The following DGKK variants were observed in gnomAD, a reference collection of about 807,000 sequenced individuals.
DGKK encodes the protein diacylglycerol kinase kappa.
DGKK carries 35 observed loss-of-function variants against 92.2 expected under a neutral mutation model. The ratio of observed to expected loss-of-function variants is 0.38; its 90% CI spans 0.29 to 0.50. DGKK has a LOEUF of 0.50. Ranked by LOEUF, DGKK falls within the 20% of genes least tolerant of loss-of-function variation. DGKK has a pLI of 0.92. For missense variants in DGKK, 910 were observed against 992.2 expected, an observed-to-expected ratio of 0.92 and a Z score of 1.11; for synonymous variants, 368 against 360.6, an observed-to-expected ratio of 1.02 and a Z score of -0.23.
chrX:50,383,337 T>C (rs1924457401), intron 17 of DGKK, among the ~76,000 whole-genome samples: 1 of 111,739 alleles, frequency 8.9e-6, no homozygotes, highest in Admixed American at 9.5e-5. Flanking sequence ...ACTTTGCCAG[T>C]GCACTATTGA....
At chrX:50,418,263 G>A (rs1925485967) in intron 4 of DGKK, among the ~76,000 whole-genome samples, 1 of 111,545 alleles carries the variant, frequency 9.0e-6, no homozygotes, top group Non-Finnish European at 1.9e-5. Context: ...ATTTATCTTG[G>A]GTACTGTCAT....
At chrX:50,404,276 C>T in intron 4 of DGKK, 92 bp from the exon 5 acceptor site, 7 of 1,019,921 alleles carry the variant, frequency 6.9e-6, no homozygotes, top group Non-Finnish European at 9.2e-6. Flanking sequence ...TCTAAAATGG[C>T]CTGCTGTATA....
chrX:50,419,512 C>T (rs781976931), intron 4 of DGKK, among the ~76,000 whole-genome samples: 9 of 112,398 alleles, frequency 8.0e-5, no homozygotes, highest in African/African-American at 2.6e-4. Context: ...AGTCTGGATT[C>T]ACCTTCCCCT....
chrX:50,403,309 C>T (rs1345375071), intron 6 of DGKK, 126 bp from the exon 7 acceptor site: 3 of 923,137 alleles, frequency 3.2e-6, no homozygotes. Context: ...CCTGCCCTCC[C>T]TACTCCAATG....
chrX:50,470,598 C>T lies in DGKK; in HGVS notation c.81G>A (p.Pro27=). The T allele has an allele frequency of 8.4e-7, 1 of 1,190,443 alleles. No homozygotes were observed. Among genetic ancestry groups the T allele is most frequent in the Non-Finnish European group, 1.1e-6 (1 of 888,155 alleles). Residue 27 remains proline (P), a synonymous_variant, in exon 1 of 28, where the codon CCG becomes CCA. Transcript: ENST00000611977. ...GTGGTGGCGGCGGCGGCCAAGGCGGCGGAGGCTCTGGAGACTCAGCGGGCT... is the reference window on the plus strand; with the variant it reads ...GTGGTGGCGGCGGCGGCCAAGGCGGTGGAGGCTCTGGAGACTCAGCGGGCT... The part of the protein sequence containing the change: ...GEQPAESPEP[P]PPWPPPPPPP...
chrX:50,469,423 C>T (rs1182370233), intron 1 of DGKK, among the ~76,000 whole-genome samples: 1 of 113,038 alleles, frequency 8.8e-6, no homozygotes, highest in African/African-American at 3.2e-5. Flanking sequence ...TGCCCTTCCC[C>T]TGCAGTGCGC....
chrX:50,411,115 TA>T (rs2147132599), intron 4 of DGKK, among the ~76,000 whole-genome samples: 1 of 111,134 alleles, frequency 9.0e-6, no homozygotes, highest in East Asian at 2.9e-4. Flanking sequence ...GTGCTCTGAT[TA>T]ACTCTTCCCC....
chrX:50,425,766 AGAAC>A (rs1425778530), intron 1 of DGKK, among the ~76,000 whole-genome samples: 1 of 111,896 alleles, frequency 8.9e-6, no homozygotes, highest in Non-Finnish European at 1.9e-5. Flanking sequence ...CAGAACAAAG[AGAAC>A]AATAAGATCT....
chrX:50,391,666 A>AT (rs1924699370), intron 10 of DGKK, 90 bp from the exon 11 acceptor site: 1 of 1,015,216 alleles, frequency 9.9e-7, no homozygotes, highest in Non-Finnish European at 1.4e-6. Context: ...TTTGGGAAGA[A>AT]TTATGGTCTT....
At chrX:50,441,299 A>G (rs1926166061) in intron 1 of DGKK, among the ~76,000 whole-genome samples, 2 of 111,744 alleles carry the variant, frequency 1.8e-5, no homozygotes, top group Non-Finnish European at 1.9e-5. Context: ...CCTGTGGTCA[A>G]TCGTGGTTTA....
intron 1 of DGKK, 78 bp from the exon 2 acceptor site, chrX:50,424,436 GC>G: frequency 6.7e-6 from 6 of 897,525 alleles, no homozygotes; most frequent in Non-Finnish European, 9.5e-6. Context: ...GATGGAAACA[GC>G]AGATATCTAG....
chrX:50,409,675 G>A lies in DGKK; in HGVS notation c.943-5491C>T, dbSNP rs180688388. 2.0e-3 allele frequency among the ~76,000 whole-genome samples: 229 copies of A among 111,927 alleles called. 1 individual carries two copies. The highest frequency in any genetic ancestry group is 7.2e-3 in the African/African-American group (221 of 30,812). ...TTTACTCTCTGTAAAATACTTAGGT[G>A]AATACATTCATGCAGTCCATTGCTC... is the stretch of plus-strand genomic sequence containing the variant. On this transcript the variant is annotated intron_variant, in intron 4 of 27. Coordinates refer to ENST00000611977, the MANE Select transcript of DGKK (RefSeq NM_001013742.4).
Position 50,367,279 on chromosome X carries a change from G to A in DGKK, c.*1661C>T, listed in dbSNP as rs1275210202. The A allele has an allele frequency of 9.0e-6, 1 of 111,648 alleles. No homozygotes were observed. Among genetic ancestry groups the A allele is most frequent in the African/African-American group, 3.3e-5 (1 of 30,668 alleles). 9.2% of individuals were successfully genotyped at this position (111,648 alleles called of 1,213,427 possible). A position where few individuals can be genotyped will look rare whatever the true frequency, so the allele number is the denominator to read the frequency against. ...ACAGTTAACTAAAGGTATGAGTCAA[G>A]GGTGGGGTGAAGATGCAAGGCTGAC... On this transcript the variant is annotated 3_prime_UTR_variant, in exon 28 of 28. Transcript: ENST00000611977.
chrX:50,370,351 G>A, intron 27 of DGKK, 75 bp downstream of exon 27: 2 of 1,098,504 alleles, frequency 1.8e-6, no homozygotes, highest in Non-Finnish European at 2.4e-6. Context: ...TCTAATGGGG[G>A]CTTCAGGTCC....
intron 4 of DGKK, among the ~76,000 whole-genome samples, chrX:50,413,099 C>T (rs1184753591): frequency 9.0e-6 from 1 of 110,612 alleles, no homozygotes; most frequent in Non-Finnish European, 1.9e-5. Flanking sequence ...CCCGAAGCCC[C>T]CCTACCAACC....
Position 50,384,734 on chromosome X carries a change from G to C in DGKK, c.2438C>G (p.Thr813Arg). 2 of 1,209,542 alleles carry C rather than the reference G, an allele frequency of 1.7e-6. No individual in the cohort carries two copies. The highest frequency in any genetic ancestry group is 2.2e-6 in the Non-Finnish European group (2 of 893,980). Residue 813 changes from threonine to arginine, a missense_variant, in exon 16 of 28, where the codon ACA (threonine) becomes AGA (arginine). Coordinates refer to ENST00000611977, the MANE Select transcript of DGKK (RefSeq NM_001013742.4). ...LEDDPEDINQ[T>R]SPRRRSRRGT... ...AAGATCCTTACGGCGTCGTGGGCTT[G>C]TCTGGTTAATATCTTCTGGGTCATC...
chrX:50,399,270 A>G (rs1924934291), intron 8 of DGKK, among the ~76,000 whole-genome samples: 1 of 111,596 alleles, frequency 9.0e-6, no homozygotes, highest in Non-Finnish European at 1.9e-5. Context: ...GTACGCGTGC[A>G]CATATATATG....
intron 1 of DGKK, among the ~76,000 whole-genome samples, chrX:50,462,573 C>T (rs1244378997): frequency 9.2e-6 from 1 of 108,656 alleles, no homozygotes; most frequent in Admixed American, 9.8e-5. Context: ...GAATAAAGTC[C>T]ATTGATTTTA....
chrX:50,407,364 C>G (rs964595481), intron 4 of DGKK, among the ~76,000 whole-genome samples: 1 of 111,543 alleles, frequency 9.0e-6, no homozygotes, highest in African/African-American at 3.3e-5. Flanking sequence ...GCTGGAAAGT[C>G]CAAGATCAAG....
Sources: gnomAD v4.1 joint callset for allele counts (sites outside exome capture counted in the v4.1 genomes callset) on GRCh38, gnomAD v4.1.1 for gene constraint, MANE v1.5 for transcripts, NCBI Gene and HGNC (gene_info 2026-07-23, HGNC 2026-07-21) for gene names.